The following PKHD1 variants were observed in gnomAD, a reference collection of about 807,000 sequenced individuals.
PKHD1 encodes PKHD1 ciliary IPT domain containing fibrocystin/polyductin.
A neutral mutation model predicts 412.0 loss-of-function variants in PKHD1; 291 were observed. The ratio of observed to expected loss-of-function variants is 0.71; its 90% confidence interval spans 0.64 to 0.78. PKHD1 has a LOEUF of 0.78. Ranked by LOEUF, PKHD1 falls within the 30% of genes least tolerant of loss-of-function variation. The pLI is 0.00. For missense variants in PKHD1, 4,825 were observed against 4,950.7 expected (o/e 0.97, Z 0.76); for synonymous variants, 1,777 against 1,821.5 (o/e 0.98, Z 0.62).
rs1452500333 is a variant in PKHD1, at chr6:51,748,202, A to G, written c.9414T>C (p.Leu3138=). Residue 3138 remains leucine, a synonymous_variant, in exon 58 of 67, where the codon CTT becomes CTC. Coordinates refer to ENST00000371117, the MANE Select transcript of PKHD1 (RefSeq NM_138694.4). The stretch of plus-strand genomic sequence containing the variant: ...AGCCAGAGATTCTGGTACAGTTGTC[A>G]AGTCCACTTTCCTTATAGAGATGAA... The part of the protein sequence containing the change: ...HGLHLYKESG[L]DNCTRISGFL... 7.4e-6 allele frequency: 12 copies of G among 1,613,986 alleles called. No homozygotes were observed. Among genetic ancestry groups the G allele is most frequent in the Non-Finnish European group, 9.3e-6 (11 of 1,179,990 alleles).
chr6:51,684,021 T>C (rs1353361922), intron 60 of PKHD1, among the ~76,000 whole-genome samples: 1 of 152,058 alleles, frequency 6.6e-6, no homozygotes, highest in Non-Finnish European at 1.5e-5. Flanking sequence ...GTGCCCGATA[T>C]ACAAACCAAG....
Position 51,959,563 on chromosome 6 carries a change from C to T in PKHD1, c.5908+307G>A, listed in dbSNP as rs1020103482. ...AGGGCATTTTGCTATATTGTGGGGG[C>T]TGTCCTGGATAAGCATGACTAAAAA... On this transcript the variant is annotated intron_variant, in intron 36 of 66. Coordinates refer to ENST00000371117, the MANE Select transcript of PKHD1 (RefSeq NM_138694.4). Among the ~76,000 whole-genome samples, 4 of 152,096 alleles carry T rather than the reference C, an allele frequency of 2.6e-5. No individual in the cohort carries two copies. The East Asian group carries it at 7.7e-4, about 29-fold the overall frequency.
At chr6:51,865,855 G>A (rs565549009) in intron 48 of PKHD1, among the ~76,000 whole-genome samples, 13 of 152,310 alleles carry the variant, frequency 8.5e-5, no homozygotes, top group South Asian at 6.2e-4. Context: ...TGTTCCTAAT[G>A]AGGTTATAAT....
At chr6:51,757,042 A>G (rs1787136857) in intron 55 of PKHD1, among the ~76,000 whole-genome samples, 1 of 152,124 alleles carries the variant, frequency 6.6e-6, no homozygotes, top group South Asian at 2.1e-4. Flanking sequence ...CCCTAATCAG[A>G]CAGGAGGTGG....
chr6:51,975,415 G>T (rs142432182), intron 35 of PKHD1, among the ~76,000 whole-genome samples: 1 of 152,114 alleles, frequency 6.6e-6, no homozygotes, highest in East Asian at 1.9e-4. Flanking sequence ...TTAATATCCA[G>T]AATATACAAA....
At chr6:51,733,129 T>C (rs931290320) in intron 60 of PKHD1, among the ~76,000 whole-genome samples, 2 of 152,180 alleles carry the variant, frequency 1.3e-5, no homozygotes, top group Admixed American at 6.6e-5. Flanking sequence ...GGGAAGTTAC[T>C]GTTTAATGAC....
rs369640841 is a variant in PKHD1, at chr6:52,084,945, A to C, written c.-12T>G. ...AGCCAGGCAGTCATTCTGTCCACTT[A>C]AATCAATACTCTTAAGATTGCTCAG... is the stretch of plus-strand genomic sequence containing the variant. On this transcript the variant is annotated 5_prime_UTR_variant, in exon 2 of 67. Coordinates refer to ENST00000371117, the MANE Select transcript of PKHD1 (RefSeq NM_138694.4). The C allele has an allele frequency of 3.2e-6, 5 of 1,569,616 alleles. No homozygotes were observed. The East Asian group carries it at 1.1e-4, about 35-fold the overall frequency.
intron 60 of PKHD1, among the ~76,000 whole-genome samples, chr6:51,710,956 T>G (rs189953241): frequency 2.6e-5 from 4 of 152,176 alleles, no homozygotes; most frequent in Non-Finnish European, 5.9e-5. Flanking sequence ...AGGTACCTCT[T>G]GTGTGCTACT....
intron 55 of PKHD1, among the ~76,000 whole-genome samples, chr6:51,771,600 T>C (rs915340603): frequency 4.0e-5 from 6 of 150,698 alleles, no homozygotes; most frequent in Non-Finnish European, 7.4e-5. Flanking sequence ...TCCTGGCCAA[T>C]AGAGTGAGAC....
intron 52 of PKHD1, among the ~76,000 whole-genome samples, chr6:51,798,375 C>T (rs1794916935): frequency 1.0e-5 from 1 of 95,570 alleles, no homozygotes; most frequent in African/African-American, 3.2e-5. Flanking sequence ...AAGACTCCAT[C>T]TCAAAAAAAA....
chr6:51,979,588 C>T (rs937357009), intron 35 of PKHD1, among the ~76,000 whole-genome samples: 6 of 152,010 alleles, frequency 3.9e-5, no homozygotes, highest in African/African-American at 1.5e-4. Context: ...GTCACCCACA[C>T]ATACAGTCAC....
intron 53 of PKHD1, among the ~76,000 whole-genome samples, chr6:51,782,802 C>T (rs1452408654): frequency 2.6e-5 from 4 of 152,084 alleles, no homozygotes; most frequent in Non-Finnish European, 5.9e-5. Context: ...ATGGGTCTGA[C>T]TACTGGGTAT....
At chr6:51,715,714 C>T (rs1457582779) in intron 60 of PKHD1, among the ~76,000 whole-genome samples, 1 of 152,102 alleles carries the variant, frequency 6.6e-6, no homozygotes, top group Non-Finnish European at 1.5e-5. Flanking sequence ...AAATGTAGCA[C>T]CTACTAGAAA....
rs563531786 is a variant in PKHD1, at chr6:51,744,398, G to A, written c.10143C>T (p.Ser3381=). The part of the protein sequence containing the change: ...FPKTEAEWTA[S]FFNAGTFREE... The stretch of plus-strand genomic sequence containing the variant: ...GATATAGCTTACCTGCGTTGAAGAA[G>A]GATGCAGTCCATTCTGCCTCTGTTT... Residue 3381 remains serine, a synonymous_variant, in exon 60 of 67, where the codon TCC becomes TCT. Coordinates refer to ENST00000371117, the MANE Select transcript of PKHD1 (RefSeq NM_138694.4). 1 of 1,613,882 alleles carries A rather than the reference G, an allele frequency of 6.2e-7. No individual in the cohort carries two copies. The highest frequency in any genetic ancestry group is 1.3e-5 in the African/African-American group (1 of 75,012).
rs187286535 is a variant in PKHD1 at position 51,856,895 on chromosome 6, C to A, written c.7734-825G>T. Reference sequence around the variant, plus strand: ...AAATCATGTTTGTTATATGAATGAACAATGCATAGATGAGATCTTCCAAAA... The same window carrying A: ...AAATCATGTTTGTTATATGAATGAAAAATGCATAGATGAGATCTTCCAAAA... On this transcript the variant is annotated intron_variant, in intron 48 of 66. Coordinates refer to ENST00000371117, the MANE Select transcript of PKHD1 (RefSeq NM_138694.4). Among the ~76,000 whole-genome samples the A allele has an allele frequency of 4.9e-4, 74 of 152,302 alleles. 2 individuals are homozygous for A. The highest frequency in any genetic ancestry group is 4.2e-3 in the Admixed American group (65 of 15,296).
At chr6:51,859,879 A>C (rs1773916915) in intron 48 of PKHD1, among the ~76,000 whole-genome samples, 1 of 152,174 alleles carries the variant, frequency 6.6e-6, no homozygotes, top group Non-Finnish European at 1.5e-5. Context: ...GAAACATTGC[A>C]CCTTCCTTTT....
chr6:51,705,279 C>T (rs763621813), intron 60 of PKHD1, among the ~76,000 whole-genome samples: 2 of 151,792 alleles, frequency 1.3e-5, no homozygotes, highest in Non-Finnish European at 2.9e-5. Context: ...TCAAATTCCC[C>T]AGAGATCATA....
chr6:51,997,969 C>T (rs770198049), intron 35 of PKHD1, among the ~76,000 whole-genome samples: 1 of 152,194 alleles, frequency 6.6e-6, no homozygotes, highest in Non-Finnish European at 1.5e-5. Context: ...TAATTAAAGA[C>T]ACCATGTGGA....
Position 51,758,014 on chromosome 6 carries a change from AAGAGAGAGAGAG to A in PKHD1, c.8643-3088_8643-3077del, listed in dbSNP as rs10534219. On this transcript the variant is annotated intron_variant, in intron 55 of 66. Coordinates refer to ENST00000371117, the MANE Select transcript of PKHD1 (RefSeq NM_138694.4). ...GGGCAACAGAATGAGACCCTGCCAAAAGAGAGAGAGAGAGAGAGAGAGAGAGAGAGAGAGAGA... is the reference window on the plus strand; with the variant it reads ...GGGCAACAGAATGAGACCCTGCCAAAAGAGAGAGAGAGAGAGAGAGAGAGA... Among the ~76,000 whole-genome samples, 103 of 126,092 alleles carry A rather than the reference AAGAGAGAGAGAG, an allele frequency of 8.2e-4. 1 individual carries two copies. The highest frequency in any genetic ancestry group is 8.1e-3 in the Middle Eastern group (2 of 248). The allele number at this position is 126,092 out of a possible 152,430, so 82.7% of individuals were successfully genotyped here.
Sources: gnomAD v4.1 joint callset for allele counts (sites outside exome capture counted in the v4.1 genomes callset) on GRCh38, gnomAD v4.1.1 for gene constraint, MANE v1.5 for transcripts, NCBI Gene and HGNC (gene_info 2026-07-23, HGNC 2026-07-21) for gene names.